The following SPATA16 variants were observed in gnomAD, a reference collection of about 807,000 sequenced individuals.
SPATA16 encodes spermatogenesis associated 16, also known as spermatogenesis-associated protein 16.
Under a neutral mutation model 63.3 loss-of-function variants are expected in SPATA16, and 36 were observed. The ratio of observed to expected loss-of-function variants is 0.57; its 90% CI spans 0.44 to 0.75. The LOEUF is 0.75. Ranked by LOEUF, SPATA16 falls within the 30% of genes least tolerant of loss-of-function variation. SPATA16 has a pLI of 0.00. For missense variants in SPATA16, 646 were observed against 679.3 expected, an observed-to-expected ratio of 0.95 and a Z score of 0.54; for synonymous variants, 203 against 216.7, an observed-to-expected ratio of 0.94 and a Z score of 0.56.
rs754810784 is a variant in SPATA16, at chr3:172,992,434, A to T, written c.849-15382T>A. On this transcript the variant is annotated intron_variant, in intron 4 of 10. Transcript: ENST00000351008. ...AGTTCACAGAGGAGTAGACAGTGCA[A>T]CAAGAGCTTCTTAACAAAATTCCAA... 2.1e-3 allele frequency among the ~76,000 whole-genome samples: 314 copies of T among 152,186 alleles called. 1 individual carries two copies. The highest frequency in any genetic ancestry group is 3.6e-3 in the Non-Finnish European group (245 of 67,990).
intron 2 of SPATA16, among the ~76,000 whole-genome samples, chr3:173,110,370 T>A (rs570565716): frequency 1.9e-4 from 29 of 152,342 alleles, no homozygotes; most frequent in African/African-American, 6.7e-4. Context: ...TAGAACACGA[T>A]GCATTACTTT....
chr3:173,033,656 A>C (rs1735652937), intron 3 of SPATA16, among the ~76,000 whole-genome samples: 1 of 152,020 alleles, frequency 6.6e-6, no homozygotes, highest in African/African-American at 2.4e-5. Context: ...GTTGAGTTTC[A>C]CATGTTTTTT....
intron 1 of SPATA16, among the ~76,000 whole-genome samples, chr3:173,137,327 AG>A (rs1450188631): frequency 6.6e-6 from 1 of 152,186 alleles, no homozygotes; most frequent in Non-Finnish European, 1.5e-5. Flanking sequence ...AAGATCTGGA[AG>A]AATAAAAAAT....
At chr3:172,899,360 A>C (rs1259406739) in intron 10 of SPATA16, among the ~76,000 whole-genome samples, 2 of 151,940 alleles carry the variant, frequency 1.3e-5, no homozygotes, top group African/African-American at 4.8e-5. Flanking sequence ...GTGGATTAAT[A>C]ATTTTATTGT....
In SPATA16 at chr3:173,019,586, G is replaced by T. The variant is rs1735272086; in HGVS notation, c.759-11C>A. On this transcript the variant is annotated splice_polypyrimidine_tract_variant and intron_variant, in intron 3 of 10. Coordinates refer to ENST00000351008, the MANE Select transcript of SPATA16 (RefSeq NM_031955.6). ...TTTAAAACAATGCTCCTGTAAAAAGGTAAAAGAAATGCAAATGTTATTTGG... is the reference window on the plus strand; with the variant it reads ...TTTAAAACAATGCTCCTGTAAAAAGTTAAAAGAAATGCAAATGTTATTTGG... 6.2e-7 allele frequency: 1 copy of T among 1,612,424 alleles called. No homozygotes were observed. Among genetic ancestry groups the T allele is most frequent in the Non-Finnish European group, 8.5e-7 (1 of 1,178,676 alleles).
At chr3:173,033,195 A>G (rs1032688261) in intron 3 of SPATA16, among the ~76,000 whole-genome samples, 1 of 152,166 alleles carries the variant, frequency 6.6e-6, no homozygotes, top group Non-Finnish European at 1.5e-5. Flanking sequence ...TAATTTGAAA[A>G]TCTGAAAAAA....
chr3:173,003,651 A>G (rs1734876606), intron 4 of SPATA16, among the ~76,000 whole-genome samples: 1 of 152,230 alleles, frequency 6.6e-6, no homozygotes, highest in Non-Finnish European at 1.5e-5. Context: ...TGGCTGCTCA[A>G]ACTGACATAA....
At chr3:173,032,260 AC>A (rs1284398783) in intron 3 of SPATA16, among the ~76,000 whole-genome samples, 1 of 152,154 alleles carries the variant, frequency 6.6e-6, no homozygotes, top group East Asian at 1.9e-4. Context: ...TCTCAAGTGA[AC>A]AACAAACACC....
At chr3:172,943,783 T>G (rs1458851803) in intron 6 of SPATA16, among the ~76,000 whole-genome samples, 1 of 152,036 alleles carries the variant, frequency 6.6e-6, no homozygotes, top group African/African-American at 2.4e-5. Context: ...CATTAAAATT[T>G]AAATCTCACT....
chr3:172,951,577 T>A (rs1733434542), intron 6 of SPATA16, among the ~76,000 whole-genome samples: 1 of 152,156 alleles, frequency 6.6e-6, no homozygotes, highest in Non-Finnish European at 1.5e-5. Context: ...GTTTTTCCCA[T>A]GGATATCCCT....
chr3:173,073,812 T>C (rs1359961279), intron 2 of SPATA16, among the ~76,000 whole-genome samples: 4 of 152,150 alleles, frequency 2.6e-5, no homozygotes, highest in Admixed American at 1.3e-4. Flanking sequence ...GAATGCTAGA[T>C]CCACTGACAG....
chr3:172,931,428 A>T (rs116462143), intron 6 of SPATA16, among the ~76,000 whole-genome samples: 2,027 of 152,140 alleles, frequency 0.013, 53 homozygotes, highest in African/African-American at 0.046. Context: ...TTTAATTTTT[A>T]GTAGAGATGG....
chr3:172,982,238 T>C (rs1209510517), intron 4 of SPATA16, among the ~76,000 whole-genome samples: 1 of 152,246 alleles, frequency 6.6e-6, no homozygotes, highest in Non-Finnish European at 1.5e-5. Context: ...GCTATCTCAC[T>C]GTCCATATTT....
At chr3:172,987,846 T>C (rs1033115247) in intron 4 of SPATA16, among the ~76,000 whole-genome samples, 3 of 152,154 alleles carry the variant, frequency 2.0e-5, no homozygotes, top group Admixed American at 1.3e-4. Context: ...TGTTACTCTC[T>C]AGAAGTAAAG....
intron 6 of SPATA16, among the ~76,000 whole-genome samples, chr3:172,942,421 AAT>A (rs1733174879): frequency 6.6e-6 from 1 of 152,212 alleles, no homozygotes; most frequent in Non-Finnish European, 1.5e-5. Flanking sequence ...TGAATTTATT[AAT>A]ATCAGACAAA....
Position 172,984,382 on chromosome 3 carries a change from A to G in SPATA16, c.849-7330T>C, listed in dbSNP as rs539933771. On this transcript the variant is annotated intron_variant, in intron 4 of 10. Coordinates refer to ENST00000351008, the MANE Select transcript of SPATA16 (RefSeq NM_031955.6). ...TGCCTATTTAAGTGATCAGTAATTC[A>G]TATCTGCTGTGTTTGGGCTTTCCTT... Among the ~76,000 whole-genome samples the G allele has an allele frequency of 8.5e-5, 13 of 152,298 alleles. No individual in the cohort carries two copies. The South Asian group carries it at 2.5e-3, about 29-fold the overall frequency.
chr3:172,916,451 C>G lies in SPATA16; in HGVS notation c.1369G>C (p.Glu457Gln). ...GSFPASSGVM[E>Q]KLQYASLLSQ... ...AGGAGGCTGGCATATTGCAACTTCT[C>G]CATCACACCTGAGGATGCAGGAAAA... is the stretch of plus-strand genomic sequence containing the variant. Residue 457 changes from glutamate (E) to glutamine (Q), a missense_variant, in exon 9 of 11, where the codon GAG (glutamate) becomes CAG (glutamine). Coordinates refer to ENST00000351008, the MANE Select transcript of SPATA16 (RefSeq NM_031955.6). 6.2e-7 allele frequency: 1 copy of G among 1,613,786 alleles called. No homozygotes were observed. The highest frequency in any genetic ancestry group is 8.5e-7 in the Non-Finnish European group (1 of 1,179,764).
chr3:173,018,289 T>C (rs1735238365), intron 4 of SPATA16, among the ~76,000 whole-genome samples: 1 of 151,918 alleles, frequency 6.6e-6, no homozygotes, highest in Non-Finnish European at 1.5e-5. Context: ...TTTTTTTTTT[T>C]TTGAGATGGA....
chr3:172,933,566 A>G (rs1301654362), intron 6 of SPATA16, among the ~76,000 whole-genome samples: 1 of 152,218 alleles, frequency 6.6e-6, no homozygotes, highest in Admixed American at 6.5e-5. Context: ...AGGGCATGGC[A>G]GAGTTAGCGG....
Sources: gnomAD v4.1 joint callset for allele counts (sites outside exome capture counted in the v4.1 genomes callset) on GRCh38, gnomAD v4.1.1 for gene constraint, MANE v1.5 for transcripts, NCBI Gene and HGNC (gene_info 2026-07-23, HGNC 2026-07-21) for gene names.